The following CNTN5 variants were observed in gnomAD, a reference collection of about 807,000 sequenced individuals.
The protein encoded by CNTN5 is contactin 5.
Under a neutral mutation model 129.1 loss-of-function variants are expected in CNTN5, and 77 were observed. The observed-to-expected ratio is 0.60, with a 90% CI of 0.50 to 0.72. CNTN5 has a LOEUF of 0.72. Among genes scored for constraint, CNTN5 ranks in the 30% least tolerant of loss-of-function variants. The probability of loss-of-function intolerance (pLI) is 0.00; values close to 1 mark genes in which losing one functional copy is unlikely to be tolerated. For synonymous variants in CNTN5, 509 were observed against 465.6 expected (o/e 1.09, Z -1.20); for missense variants, 1,478 against 1,328.8 (o/e 1.11, Z -1.75).
chr11:100,293,716 C>T (rs1951044351), intron 18 of CNTN5, among the ~76,000 whole-genome samples: 1 of 151,552 alleles, frequency 6.6e-6, no homozygotes, highest in Non-Finnish European at 1.5e-5. Flanking sequence ...GGATTCAAAC[C>T]CAGATCTTTC....
At chr11:100,292,269 G>T (rs191198877) in intron 18 of CNTN5, among the ~76,000 whole-genome samples, 2 of 151,992 alleles carry the variant, frequency 1.3e-5, no homozygotes. Context: ...ACATGATGGC[G>T]TTTATCCACA....
intron 1 of CNTN5, among the ~76,000 whole-genome samples, chr11:99,056,907 A>C (rs1864645865): frequency 6.6e-6 from 1 of 151,924 alleles, no homozygotes; most frequent in South Asian, 2.1e-4. Flanking sequence ...TTCATTTTTG[A>C]ATGTAACTTT....
chr11:99,766,096 A>G (rs1944745161), intron 3 of CNTN5, among the ~76,000 whole-genome samples: 3 of 152,102 alleles, frequency 2.0e-5, no homozygotes, highest in South Asian at 4.1e-4. Context: ...TACTGACACA[A>G]TATTATTTTA....
intron 7 of CNTN5, among the ~76,000 whole-genome samples, chr11:99,944,042 T>G: frequency 9.5e-6 from 1 of 105,086 alleles, no homozygotes; most frequent in East Asian, 2.5e-4. Context: ...CATATAAAAT[T>G]TAAAGTAGTT....
chr11:99,468,440 T>C (rs955686439), intron 2 of CNTN5, among the ~76,000 whole-genome samples: 31 of 152,312 alleles, frequency 2.0e-4, no homozygotes, highest in Admixed American at 1.6e-3. Flanking sequence ...GAATTACTCC[T>C]AAATTTTCTC....
chr11:99,495,648 C>G (rs1005008823), intron 2 of CNTN5, among the ~76,000 whole-genome samples: 1 of 152,072 alleles, frequency 6.6e-6, no homozygotes, highest in African/African-American at 2.4e-5. Flanking sequence ...GCATTCTTCC[C>G]TGAATGTAAT....
At chr11:99,771,039 T>G (rs138487375) in intron 3 of CNTN5, among the ~76,000 whole-genome samples, 1 of 152,138 alleles carries the variant, frequency 6.6e-6, no homozygotes, top group Non-Finnish European at 1.5e-5. Flanking sequence ...GAATATAGAA[T>G]GGAGAAAGGA....
At position 100,335,106 on chromosome 11, in the gene CNTN5, A is replaced by G. The variant is rs1952006877; in HGVS notation, c.2731-5357A>G. The stretch of plus-strand genomic sequence containing the variant: ...GGCTGCGCATGTGTAGTGGGCAGGG[A>G]GATTCAGGAGATCTCTGTACCTTCC... On this transcript the variant is annotated intron_variant, in intron 21 of 24. Coordinates refer to ENST00000524871, the MANE Select transcript of CNTN5 (RefSeq NM_014361.4). Among the ~76,000 whole-genome samples the G allele has an allele frequency of 1.3e-5, 2 of 152,006 alleles. 1 individual carries two copies. Among genetic ancestry groups the G allele is most frequent in the African/African-American group, 4.8e-5 (2 of 41,386 alleles).
intron 4 of CNTN5, among the ~76,000 whole-genome samples, chr11:99,843,381 TAAAG>T (rs983301623): frequency 1.3e-5 from 2 of 152,222 alleles, no homozygotes; most frequent in Non-Finnish European, 2.9e-5. Context: ...GAAATATATT[TAAAG>T]AAAGCAAATC....
intron 3 of CNTN5, among the ~76,000 whole-genome samples, chr11:99,764,724 T>A (rs1463087398): frequency 6.6e-6 from 1 of 152,140 alleles, no homozygotes; most frequent in Admixed American, 6.6e-5. Flanking sequence ...TGCAATACAT[T>A]CAACATCTCA....
chr11:100,006,802 A>T (rs35407421), intron 9 of CNTN5, among the ~76,000 whole-genome samples: 46,208 of 151,984 alleles, frequency 0.3, 7,598 homozygotes, highest in African/African-American at 0.42. Flanking sequence ...TAGAAGGTTT[A>T]CAATTTACTT....
At chr11:100,280,044 C>G (rs916090365) in intron 18 of CNTN5, among the ~76,000 whole-genome samples, 6 of 150,814 alleles carry the variant, frequency 4.0e-5, no homozygotes, top group African/African-American at 1.2e-4. Context: ...TTTCAATTCC[C>G]TTCTTAATTT....
chr11:99,305,010 C>A (rs1249370559), intron 1 of CNTN5, among the ~76,000 whole-genome samples: 1 of 152,196 alleles, frequency 6.6e-6, no homozygotes, highest in Non-Finnish European at 1.5e-5. Flanking sequence ...TATTACTTGA[C>A]TTTCCCATGC....
At chr11:99,175,011 T>C (rs966555508) in intron 1 of CNTN5, among the ~76,000 whole-genome samples, 2 of 152,066 alleles carry the variant, frequency 1.3e-5, no homozygotes, top group Non-Finnish European at 2.9e-5. Context: ...AAGTTGAAGA[T>C]TGCTTGAGGG....
intron 13 of CNTN5, among the ~76,000 whole-genome samples, chr11:100,149,489 T>A (rs1185722866): frequency 3.9e-5 from 6 of 152,188 alleles, no homozygotes; most frequent in African/African-American, 9.6e-5. Flanking sequence ...TGTAAAAAAA[T>A]TAAAGGAAAA....
intron 13 of CNTN5, among the ~76,000 whole-genome samples, chr11:100,147,935 G>A (rs182159904): frequency 1.1e-3 from 169 of 152,146 alleles, no homozygotes; most frequent in African/African-American, 3.2e-3. Context: ...TTTAGAAGGT[G>A]TATGTTTGAA....
rs866454471 is a variant in CNTN5 at position 99,959,318 on chromosome 11, C to T, written c.877+2309C>T. On this transcript the variant is annotated intron_variant, in intron 8 of 24. Coordinates refer to ENST00000524871, the MANE Select transcript of CNTN5 (RefSeq NM_014361.4). The stretch of plus-strand genomic sequence containing the variant: ...CCCTAAATTTTTGGAAACTTCTGTG[C>T]TTTCCTTAGACTGGATTGCCTCACG... Among the ~76,000 whole-genome samples the T allele has an allele frequency of 2.0e-5, 3 of 152,150 alleles. No individual in the cohort carries two copies. In the South Asian group the frequency reaches 6.2e-4, roughly 32 times the overall value.
intron 1 of CNTN5, among the ~76,000 whole-genome samples, chr11:99,046,755 A>C (rs1591101022): frequency 6.6e-6 from 1 of 152,260 alleles, no homozygotes; most frequent in East Asian, 1.9e-4. Flanking sequence ...GGAAACTCAA[A>C]TGTCTTACTA....
chr11:99,645,262 CAAAAAAAAAAAA>C (rs71050011), intron 3 of CNTN5, among the ~76,000 whole-genome samples: 2 of 47,506 alleles, frequency 4.2e-5, no homozygotes, highest in Non-Finnish European at 4.1e-5. Flanking sequence ...TCCATCTCAA[CAAAAAAAAAAAA>C]AAAAAAAAAA....
Sources: allele counts gnomAD v4.1 joint callset (sites outside exome capture counted in the v4.1 genomes callset), GRCh38; gene constraint gnomAD v4.1.1; transcripts MANE v1.5; gene names NCBI Gene and HGNC (gene_info 2026-07-23, HGNC 2026-07-21).